The following RIPOR3 variants were observed in gnomAD, a reference collection of about 807,000 sequenced individuals.
The protein encoded by RIPOR3 is family with sequence similarity 65 member C.
Under a neutral mutation model 114.3 loss-of-function variants are expected in RIPOR3, and 95 were observed. The observed-to-expected ratio is 0.83, with a 90% CI of 0.70 to 0.99. RIPOR3 has a LOEUF of 0.99. RIPOR3 is among the 50% of genes least tolerant of loss of function. The probability of loss-of-function intolerance (pLI) is 0.00; values close to 1 mark genes in which losing one functional copy is unlikely to be tolerated. For missense variants in RIPOR3, 1,252 were observed against 1,266.9 expected (o/e 0.99, Z 0.18); for synonymous variants, 575 against 543.8 (o/e 1.06, Z -0.80).
chr20:50,594,752 G>A (rs1156349290), intron 16 of RIPOR3, 38 bp from the exon 17 acceptor site: 2 of 1,587,490 alleles, frequency 1.3e-6, no homozygotes, highest in Non-Finnish European at 1.7e-6. Context: ...TGGTGACTCG[G>A]GGAGAGCACA....
intron 1 of RIPOR3, chr20:50,645,512 T>C (rs1250209765): frequency 1.3e-5 from 2 of 152,030 alleles, no homozygotes; most frequent in Admixed American, 6.6e-5. Context: ...GTGAGGTGAA[T>C]GGGGACTACG....
At chr20:50,627,496 C>T (rs530079979) in intron 2 of RIPOR3, among the ~76,000 whole-genome samples, 4 of 140,654 alleles carry the variant, frequency 2.8e-5, no homozygotes, top group South Asian at 2.2e-4. Flanking sequence ...GGCAACAGAG[C>T]GAGACTCTGT....
rs776001816 is a variant in RIPOR3 at position 50,587,806 on chromosome 20, C to T, written c.2748G>A (p.Ser916=). The T allele has an allele frequency of 1.5e-5, 25 of 1,614,090 alleles. No individual in the cohort carries two copies. The highest frequency in any genetic ancestry group is 1.1e-4 in the East Asian group (5 of 44,902). Residue 916 remains serine (S), a synonymous_variant, in exon 21 of 22, where the codon TCG becomes TCA. Transcript: ENST00000327979. ...ACAGTTTGTGCCACTTTTTACCGAA[C>T]GACAGTGTGGTTTCCCGGGCTGCCG... ...VRAAARETTL[S]FGEKGRLAFE...
chr20:50,589,966 C>T (rs1270460235), intron 19 of RIPOR3, 197 bp from the exon 20 acceptor site: 1 of 519,532 alleles, frequency 1.9e-6, no homozygotes, highest in Admixed American at 3.1e-5. Context: ...TTTAATTTAT[C>T]CCTAAAAACA....
At chr20:50,667,571 C>T (rs1022154517) in intron 1 of RIPOR3, among the ~76,000 whole-genome samples, 4 of 152,110 alleles carry the variant, frequency 2.6e-5, no homozygotes, top group Admixed American at 6.6e-5. Context: ...GGATTACAGG[C>T]GTGAGCCACC....
intron 8 of RIPOR3, 66 bp downstream of exon 8, chr20:50,609,227 T>C (rs2123057984): frequency 1.0e-5 from 16 of 1,565,476 alleles, no homozygotes; most frequent in Non-Finnish European, 1.3e-5. Context: ...CCAATTCCCG[T>C]GCCCCTCAGC....
chr20:50,608,109 C>T lies in RIPOR3; in HGVS notation c.956+280G>A, dbSNP rs757305152. Among the ~76,000 whole-genome samples, 10 of 152,204 alleles carry T rather than the reference C, an allele frequency of 6.6e-5. No individual in the cohort carries two copies. In the East Asian group the frequency reaches 1.2e-3, roughly 18 times the overall value. On this transcript the variant is annotated intron_variant, in intron 11 of 21. Coordinates refer to ENST00000327979, the MANE Select transcript of RIPOR3 (RefSeq NM_001290268.2). Reference sequence around the variant, plus strand: ...TGAGCCTCCTCCAAGGAGCCAAGCCCGGGAGGCCCCGGAAAGTGTCCCCCC... The same window carrying T: ...TGAGCCTCCTCCAAGGAGCCAAGCCTGGGAGGCCCCGGAAAGTGTCCCCCC...
intron 6 of RIPOR3, among the ~76,000 whole-genome samples, chr20:50,610,019 A>ACCCCTGCCT (rs2083904832): frequency 2.8e-5 from 1 of 35,886 alleles, no homozygotes; most frequent in Non-Finnish European, 5.8e-5. Context: ...CTCACCTGCC[A>ACCCCTGCCT]CCCCTGCCTC....
intron 6 of RIPOR3, 91 bp from the exon 7 acceptor site, chr20:50,609,813 C>T (rs2083885307): frequency 7.5e-7 from 1 of 1,338,236 alleles, no homozygotes; most frequent in African/African-American, 1.5e-5. Flanking sequence ...GAGAGGCCCT[C>T]CCTGAGCTAA....
chr20:50,669,701 T>C (rs935787438), intron 1 of RIPOR3, among the ~76,000 whole-genome samples: 3 of 152,102 alleles, frequency 2.0e-5, no homozygotes, highest in African/African-American at 7.2e-5. Flanking sequence ...TGTTTCGCTT[T>C]CCTTGGCCAC....
intron 11 of RIPOR3, among the ~76,000 whole-genome samples, chr20:50,607,331 C>A (rs988274668): frequency 6.6e-6 from 1 of 152,170 alleles, no homozygotes; most frequent in Non-Finnish European, 1.5e-5. Context: ...ATGGGAGCAC[C>A]GAGGCAAGTG....
At chr20:50,597,897 G>T (rs1222926552) in intron 13 of RIPOR3, among the ~76,000 whole-genome samples, 187 bp from the exon 14 acceptor site, 1 of 152,230 alleles carries the variant, frequency 6.6e-6, no homozygotes, top group Non-Finnish European at 1.5e-5. Context: ...ACCCCCCAAA[G>T]TCCCTCCTGA....
chr20:50,617,376 G>C (rs1199468211), intron 3 of RIPOR3, among the ~76,000 whole-genome samples: 1 of 152,126 alleles, frequency 6.6e-6, no homozygotes, highest in African/African-American at 2.4e-5. Context: ...GTCCTTAAAG[G>C]ACACAGAATC....
rs758136486 is a variant in RIPOR3 at position 50,608,753 on chromosome 20, G to C, written c.685-15C>G. ...CGCATGAGCACCTGTGAACCAGCCC[G>C]AGAGGGGCCGCGTCAGCCCAGGTGG... On this transcript the variant is annotated splice_polypyrimidine_tract_variant and intron_variant, in intron 9 of 21. Coordinates refer to ENST00000327979, the MANE Select transcript of RIPOR3 (RefSeq NM_001290268.2). 3.7e-6 allele frequency: 6 copies of C among 1,613,588 alleles called. No individual in the cohort carries two copies. Among genetic ancestry groups the C allele is most frequent in the Non-Finnish European group, 4.2e-6 (5 of 1,179,748 alleles).
intron 1 of RIPOR3, among the ~76,000 whole-genome samples, chr20:50,659,039 T>C (rs1446598674): frequency 6.6e-6 from 1 of 152,208 alleles, no homozygotes; most frequent in Non-Finnish European, 1.5e-5. Context: ...TCTGACCTTA[T>C]TGTGGATTCT....
At chr20:50,611,558 C>A (rs2083981165) in intron 4 of RIPOR3, among the ~76,000 whole-genome samples, 1 of 152,148 alleles carries the variant, frequency 6.6e-6, no homozygotes. Flanking sequence ...ACACAGTAGG[C>A]CCTTGACAAA....
At chr20:50,620,879 C>T (rs1395558666) in intron 2 of RIPOR3, 11 of 698,642 alleles carry the variant, frequency 1.6e-5, no homozygotes, top group South Asian at 7.0e-5. Flanking sequence ...TGAGTTTGTG[C>T]GGGACATGAT....
At chr20:50,686,128 C>T (rs1252662650) in intron 1 of RIPOR3, among the ~76,000 whole-genome samples, 1 of 151,994 alleles carries the variant, frequency 6.6e-6, no homozygotes, top group African/African-American at 2.4e-5. Flanking sequence ...GCAATCTCGG[C>T]TCACTGCAAG....
rs751827065 is a variant in RIPOR3 at position 50,630,722 on chromosome 20, C to T, written c.122+16G>A. 2 of 1,589,592 alleles carry T rather than the reference C, an allele frequency of 1.3e-6. No homozygotes were observed. Among genetic ancestry groups the T allele is most frequent in the East Asian group, 2.3e-5 (1 of 43,502 alleles). On this transcript the variant is annotated intron_variant, in intron 2 of 21. Coordinates refer to ENST00000327979, the MANE Select transcript of RIPOR3 (RefSeq NM_001290268.2). Reference sequence around the variant, plus strand: ...CCCACCCCTGCACCCCGAAACAGGACACGGGGGGAACTTACGCGATCCTCC... The same window carrying T: ...CCCACCCCTGCACCCCGAAACAGGATACGGGGGGAACTTACGCGATCCTCC...
Sources: gnomAD v4.1 joint callset for allele counts (sites outside exome capture counted in the v4.1 genomes callset) on GRCh38, gnomAD v4.1.1 for gene constraint, MANE v1.5 for transcripts, NCBI Gene and HGNC (gene_info 2026-07-23, HGNC 2026-07-21) for gene names.